GPC6: variants seen among roughly 807,000 people sequenced by gnomAD.
GPC6 encodes glypican 6, also known as glypican-6.
A neutral mutation model predicts 55.2 loss-of-function variants in GPC6; 14 were observed. That is an observed-to-expected ratio of 0.25 (90% CI 0.17 to 0.40). GPC6 has a LOEUF of 0.40. GPC6 is among the 10% of genes least tolerant of loss of function. The pLI, the probability that GPC6 is intolerant of heterozygous loss-of-function variation, is 1.00. For missense variants in GPC6, 641 were observed against 708.5 expected, an observed-to-expected ratio of 0.90 and a Z score of 1.08; for synonymous variants, 278 against 259.6, an observed-to-expected ratio of 1.07 and a Z score of -0.68.
At chr13:94,095,979 G>A (rs560079625) in intron 4 of GPC6, among the ~76,000 whole-genome samples, 4 of 152,190 alleles carry the variant, frequency 2.6e-5, no homozygotes, top group Non-Finnish European at 5.9e-5. Flanking sequence ...CACCCAAATG[G>A]AGAAAGCCAC....
intron 2 of GPC6, among the ~76,000 whole-genome samples, chr13:93,562,329 A>G (rs1224023685): frequency 6.6e-6 from 1 of 152,170 alleles, no homozygotes; most frequent in African/African-American, 2.4e-5. Context: ...TTTGAAACAA[A>G]TATAACATTT....
intron 2 of GPC6, among the ~76,000 whole-genome samples, chr13:93,554,322 A>G: frequency 6.6e-6 from 1 of 152,296 alleles, no homozygotes; most frequent in East Asian, 1.9e-4. Context: ...AAACCTGAAC[A>G]CAACCTATAG....
In GPC6 at chr13:93,555,750, A is replaced by AG. The variant is rs564400413; in HGVS notation, c.319+10330dup. Among the ~76,000 whole-genome samples the AG allele has an allele frequency of 1.2e-4, 18 of 152,334 alleles. No homozygotes were observed. The East Asian group carries it at 3.3e-3, about 28-fold the overall frequency. On this transcript the variant is annotated intron_variant, in intron 2 of 8. Transcript: ENST00000377047. Reference sequence around the variant, plus strand: ...CACAGGCGTGAATAAGAAATGTTTAAGATGTCCATGAATTTCCTGGAGAAT... The same window carrying AG: ...CACAGGCGTGAATAAGAAATGTTTAAGGATGTCCATGAATTTCCTGGAGAAT...
chr13:94,140,104 A>G lies in GPC6; in HGVS notation c.877+112210A>G, dbSNP rs190080704. Among the ~76,000 whole-genome samples, 496 of 151,998 alleles carry G rather than the reference A, an allele frequency of 3.3e-3. 2 individuals carry two copies. Among genetic ancestry groups the G allele is most frequent in the Non-Finnish European group, 5.0e-3 (342 of 67,984 alleles). ...TTTTATCAAATTTTCTTTGAATGTTAAGAGTCTATTATACCGAATAGTATA... is the reference window on the plus strand; with the variant it reads ...TTTTATCAAATTTTCTTTGAATGTTGAGAGTCTATTATACCGAATAGTATA... On this transcript the variant is annotated intron_variant, in intron 4 of 8. Coordinates refer to ENST00000377047, the MANE Select transcript of GPC6 (RefSeq NM_005708.5).
intron 1 of GPC6, among the ~76,000 whole-genome samples, chr13:93,234,676 A>ATG (rs890187255): frequency 8.1e-5 from 9 of 110,574 alleles, no homozygotes; most frequent in Admixed American, 6.3e-4. Context: ...GTGTTTGTGT[A>ATG]TGTGTGTGTG....
intron 3 of GPC6, among the ~76,000 whole-genome samples, chr13:93,931,282 A>T (rs1488808599): frequency 6.6e-6 from 1 of 152,062 alleles, no homozygotes; most frequent in Non-Finnish European, 1.5e-5. Context: ...GGAGATTTTC[A>T]TGACAACTGG....
At chr13:93,778,295 A>T (rs1309651133) in intron 2 of GPC6, among the ~76,000 whole-genome samples, 2 of 152,180 alleles carry the variant, frequency 1.3e-5, no homozygotes, top group Non-Finnish European at 2.9e-5. Flanking sequence ...AAGGCACAAA[A>T]AAAGAAGCAG....
At chr13:93,245,472 C>T (rs567488591) in intron 1 of GPC6, among the ~76,000 whole-genome samples, 2 of 152,218 alleles carry the variant, frequency 1.3e-5, no homozygotes, top group African/African-American at 2.4e-5. Flanking sequence ...CCAGAATCAC[C>T]GAAAGGCTTG....
intron 4 of GPC6, among the ~76,000 whole-genome samples, chr13:94,220,195 C>A (rs1319507113): frequency 2.0e-5 from 3 of 152,086 alleles, no homozygotes; most frequent in African/African-American, 7.2e-5. Flanking sequence ...ACCAAACAAA[C>A]AGGCCCAGCA....
At chr13:93,742,504 G>C (rs1002347049) in intron 2 of GPC6, among the ~76,000 whole-genome samples, 2 of 152,182 alleles carry the variant, frequency 1.3e-5, no homozygotes, top group African/African-American at 4.8e-5. Flanking sequence ...AGTATCTCTT[G>C]ATAGCCTTGT....
chr13:93,305,789 G>T (rs979058307), intron 1 of GPC6, among the ~76,000 whole-genome samples: 1 of 152,102 alleles, frequency 6.6e-6, no homozygotes, highest in Admixed American at 6.6e-5. Context: ...TTTGATTTTA[G>T]TTTCCTATTT....
At chr13:93,878,564 G>T (rs1874746911) in intron 3 of GPC6, among the ~76,000 whole-genome samples, 1 of 152,084 alleles carries the variant, frequency 6.6e-6, no homozygotes, top group African/African-American at 2.4e-5. Context: ...TTTTAGTAGA[G>T]ATGGGGTTTC....
chr13:94,067,612 TAGATAGATAGAC>T (rs1468554773), intron 4 of GPC6, among the ~76,000 whole-genome samples: 5 of 148,320 alleles, frequency 3.4e-5, no homozygotes, highest in Admixed American at 6.7e-5. Context: ...GATAGATAGA[TAGATAGATAGAC>T]AGACAGACAG....
At chr13:93,308,228 T>A (rs1335487885) in intron 1 of GPC6, among the ~76,000 whole-genome samples, 1 of 152,052 alleles carries the variant, frequency 6.6e-6, no homozygotes, top group Non-Finnish European at 1.5e-5. Flanking sequence ...GAGCTTGCAG[T>A]GAGCCGAGAT....
chr13:93,693,671 G>T (rs531699075), intron 2 of GPC6, among the ~76,000 whole-genome samples: 1 of 152,118 alleles, frequency 6.6e-6, no homozygotes, highest in East Asian at 1.9e-4. Flanking sequence ...TTTTTTGGTA[G>T]ACACAGGGTT....
chr13:93,861,494 C>A (rs1309347208), intron 3 of GPC6, among the ~76,000 whole-genome samples: 2 of 151,410 alleles, frequency 1.3e-5, no homozygotes, highest in African/African-American at 4.8e-5. Context: ...GAGAAGACAG[C>A]CACTGAATGT....
intron 4 of GPC6, among the ~76,000 whole-genome samples, chr13:94,080,938 T>C (rs376669703): frequency 1.2e-4 from 18 of 152,324 alleles, no homozygotes; most frequent in African/African-American, 4.3e-4. Flanking sequence ...GTTTAGCTCA[T>C]CAATGCCAAA....
At chr13:94,348,631 A>G (rs1035036219) in intron 6 of GPC6, among the ~76,000 whole-genome samples, 9 of 152,158 alleles carry the variant, frequency 5.9e-5, no homozygotes, top group Admixed American at 1.3e-4. Flanking sequence ...CTGCCTTAGT[A>G]GCTACTCCTT....
At position 93,678,869 on chromosome 13, in the gene GPC6, C is replaced by T. The variant is rs538818293; in HGVS notation, c.319+133448C>T. Among the ~76,000 whole-genome samples the T allele has an allele frequency of 9.0e-4, 137 of 152,198 alleles. 1 individual carries two copies. The highest frequency in any genetic ancestry group is 3.1e-3 in the African/African-American group (130 of 41,536). On this transcript the variant is annotated intron_variant, in intron 2 of 8. Transcript: ENST00000377047. ...GACAACCTGGGTCCACCTGAACTTC[C>T]GCTCTTCCTTTTGTCTGCAGAAAAA...
Sources: allele counts gnomAD v4.1 joint callset (sites outside exome capture counted in the v4.1 genomes callset), GRCh38; gene constraint gnomAD v4.1.1; transcripts MANE v1.5; gene names NCBI Gene and HGNC (gene_info 2026-07-23, HGNC 2026-07-21).